Variants in ATF7IP2 observed in about 807,000 individuals in gnomAD.
The protein encoded by ATF7IP2 is activating transcription factor 7-interacting protein 2.
Under a neutral mutation model 64.2 loss-of-function variants are expected in ATF7IP2, and 42 were observed. That is an observed-to-expected ratio of 0.65 (90% CI 0.51 to 0.85). The LOEUF is 0.85. Among genes scored for constraint, ATF7IP2 ranks in the 40% least tolerant of loss-of-function variants. The pLI, the probability that ATF7IP2 is intolerant of heterozygous loss-of-function variation, is 0.00. For missense variants in ATF7IP2, 933 were observed against 784.2 expected, an observed-to-expected ratio of 1.19 and a Z score of -2.27; for synonymous variants, 308 against 272.8, an observed-to-expected ratio of 1.13 and a Z score of -1.27.
At chr16:10,395,241 C>T (rs1222473769) in intron 1 of ATF7IP2, among the ~76,000 whole-genome samples, 1 of 151,792 alleles carries the variant, frequency 6.6e-6, no homozygotes. Context: ...AGACAAATTC[C>T]TAAAAAGACA....
intron 1 of ATF7IP2, among the ~76,000 whole-genome samples, chr16:10,403,571 A>ACC (rs949892505): frequency 6.6e-6 from 1 of 152,106 alleles, no homozygotes; most frequent in Non-Finnish European, 1.5e-5. Context: ...GTATTATAAC[A>ACC]CCCCCTCAAA....
chr16:10,437,233 C>G (rs942131125), intron 6 of ATF7IP2, among the ~76,000 whole-genome samples: 10 of 152,158 alleles, frequency 6.6e-5, no homozygotes, highest in African/African-American at 1.9e-4. Context: ...GTTGGTCAGG[C>G]TGGTCTTCAA....
At chr16:10,447,917 A>C (rs2048863894) in intron 8 of ATF7IP2, 1 of 152,242 alleles carries the variant, frequency 6.6e-6, no homozygotes, top group Non-Finnish European at 1.5e-5. Flanking sequence ...CTTATGGTTA[A>C]GTCTTTAATC....
chr16:10,444,015 C>G (rs2048718361), intron 8 of ATF7IP2, among the ~76,000 whole-genome samples: 1 of 152,080 alleles, frequency 6.6e-6, no homozygotes, highest in Admixed American at 6.6e-5. Flanking sequence ...TAGACGGTCA[C>G]AATGGTGAGA....
chr16:10,478,922 A>T lies in ATF7IP2; in HGVS notation c.1550-1957A>T, dbSNP rs570050077. On this transcript the variant is annotated intron_variant, in intron 12 of 13. Transcript: ENST00000562102. ...AAAATGCTCACCATCACTGGCCATC[A>T]GAGGAATGCAAATCAAAACCACAAT... 2.6e-5 allele frequency among the ~76,000 whole-genome samples: 4 copies of T among 152,342 alleles called. No homozygotes were observed. In the South Asian group the frequency reaches 8.3e-4, roughly 32 times the overall value.
intron 6 of ATF7IP2, among the ~76,000 whole-genome samples, chr16:10,435,957 C>G (rs1392328646): frequency 6.6e-6 from 1 of 152,172 alleles, no homozygotes; most frequent in Admixed American, 6.5e-5. Flanking sequence ...ATTTGTTTCT[C>G]CAAGATTCAT....
intron 3 of ATF7IP2, among the ~76,000 whole-genome samples, chr16:10,419,853 T>G (rs1004339987): frequency 6.6e-6 from 1 of 152,236 alleles, no homozygotes; most frequent in African/African-American, 2.4e-5. Flanking sequence ...TTTACCTGTT[T>G]CCCAATTTTT....
Position 10,431,017 on chromosome 16 carries a change from G to A in ATF7IP2, c.397G>A (p.Glu133Lys). ...ATCCCCCAGCAGAGTCTTCACAGAAGAGGCAAAAGATTCACTGAACACTTC... is the reference window on the plus strand; with the variant it reads ...ATCCCCCAGCAGAGTCTTCACAGAAAAGGCAAAAGATTCACTGAACACTTC... Reference protein sequence around the residue: ...TESPSRVFTEEAKDSLNTSEN... With the variant: ...TESPSRVFTEKAKDSLNTSEN... Residue 133 changes from glutamate (E) to lysine (K), a missense_variant, in exon 5 of 14, where the codon GAG becomes AAG. Coordinates refer to ENST00000562102, the MANE Select transcript of ATF7IP2 (RefSeq NM_001393719.1). 6 of 1,614,162 alleles carry A rather than the reference G, an allele frequency of 3.7e-6. No homozygotes were observed. The highest frequency in any genetic ancestry group is 1.3e-5 in the African/African-American group (1 of 75,054).
chr16:10,478,894 G>T (rs1198449359), intron 12 of ATF7IP2, among the ~76,000 whole-genome samples: 1 of 152,134 alleles, frequency 6.6e-6, no homozygotes, highest in Non-Finnish European at 1.5e-5. Context: ...AAAAACACAT[G>T]AAAAAATGCT....
At chr16:10,421,230 C>T (rs1333757745) in intron 3 of ATF7IP2, among the ~76,000 whole-genome samples, 1 of 152,058 alleles carries the variant, frequency 6.6e-6, no homozygotes, top group Non-Finnish European at 1.5e-5. Context: ...GAAGAAAAGC[C>T]ACTGTACAAG....
intron 1 of ATF7IP2, among the ~76,000 whole-genome samples, chr16:10,388,879 G>A (rs2047263059): frequency 6.6e-6 from 1 of 152,136 alleles, no homozygotes; most frequent in East Asian, 1.9e-4. Flanking sequence ...GGGCGTGGTG[G>A]CCGGCGCCTG....
chr16:10,449,005 G>C (rs983570460), intron 8 of ATF7IP2: 1 of 152,138 alleles, frequency 6.6e-6, no homozygotes, highest in Non-Finnish European at 1.5e-5. Context: ...AGTTTATTGA[G>C]AGTTTTTAGC....
intron 1 of ATF7IP2, among the ~76,000 whole-genome samples, chr16:10,391,788 T>A (rs2047331183): frequency 6.6e-6 from 1 of 151,728 alleles, no homozygotes; most frequent in Non-Finnish European, 1.5e-5. Context: ...TCCCAGCTGC[T>A]GGAGGGCTGA....
rs139860508 is a variant in ATF7IP2, at chr16:10,450,783, G to A, written c.1195-6589G>A. Among the ~76,000 whole-genome samples the A allele has an allele frequency of 8.1e-3, 1,229 of 152,228 alleles. 18 individuals are homozygous for A. The highest frequency in any genetic ancestry group is 0.028 in the African/African-American group (1,147 of 41,524). ...CTCTTTATCCAGTTTGCCAGTCTGT[G>A]TCTTTTAATTGGGGCATTTAGCCCA... On this transcript the variant is annotated intron_variant, in intron 8 of 13. Coordinates refer to ENST00000562102, the MANE Select transcript of ATF7IP2 (RefSeq NM_001393719.1).
chr16:10,387,511 C>A (rs772826820), intron 1 of ATF7IP2: 2 of 152,232 alleles, frequency 1.3e-5, no homozygotes, highest in Non-Finnish European at 2.9e-5. Context: ...CTTGAATGTT[C>A]TGCTTTCCTT....
At chr16:10,422,282 T>C (rs141146792) in intron 3 of ATF7IP2, among the ~76,000 whole-genome samples, 89 of 152,308 alleles carry the variant, frequency 5.8e-4, no homozygotes, top group African/African-American at 2.0e-3. Context: ...AAAAATGATA[T>C]CCTAAACCTT....
chr16:10,404,459 G>A (rs756620048), intron 1 of ATF7IP2, among the ~76,000 whole-genome samples: 31 of 152,074 alleles, frequency 2.0e-4, no homozygotes, highest in Non-Finnish European at 3.4e-4. Flanking sequence ...TGGCCCGGCC[G>A]GTCTTGAACT....
chr16:10,414,695 T>C (rs926614388), intron 2 of ATF7IP2, 83 bp downstream of exon 2: 12 of 149,814 alleles, frequency 8.0e-5, no homozygotes, highest in African/African-American at 3.0e-4. Context: ...TTAAGGAACC[T>C]TGTTTTGTCA....
At chr16:10,470,431 C>A (rs1321102307) in intron 9 of ATF7IP2, among the ~76,000 whole-genome samples, 3 of 152,020 alleles carry the variant, frequency 2.0e-5, no homozygotes, top group Admixed American at 2.0e-4. Context: ...GATGTTACTT[C>A]ACCCCAAATT....
Sources: gnomAD v4.1 joint callset for allele counts (sites outside exome capture counted in the v4.1 genomes callset) on GRCh38, gnomAD v4.1.1 for gene constraint, MANE v1.5 for transcripts, NCBI Gene and HGNC (gene_info 2026-07-23, HGNC 2026-07-21) for gene names.